The following GMEB2 variants were observed in gnomAD, a reference collection of about 807,000 sequenced individuals.
GMEB2 encodes the protein glucocorticoid modulatory element binding protein 2, also known as glucocorticoid modulatory element-binding protein 2.
GMEB2 carries 7 observed loss-of-function variants against 45.7 expected under a neutral mutation model. The observed-to-expected ratio is 0.15, with a 90% CI of 0.09 to 0.29. The LOEUF (loss-of-function observed/expected upper bound fraction) is 0.29. Ranked by LOEUF, GMEB2 falls within the 10% of genes least tolerant of loss-of-function variation. The probability of loss-of-function intolerance (pLI) is 1.00; values close to 1 mark genes in which losing one functional copy is unlikely to be tolerated. For missense variants in GMEB2, 582 were observed against 739.2 expected, an observed-to-expected ratio of 0.79 and a Z score of 2.47; for synonymous variants, 322 against 323.6, an observed-to-expected ratio of 1.00 and a Z score of 0.05.
intron 2 of GMEB2, among the ~76,000 whole-genome samples, chr20:63,614,519 G>A (rs1017984254): frequency 2.0e-5 from 3 of 152,234 alleles, no homozygotes; most frequent in Non-Finnish European, 4.4e-5. Flanking sequence ...CCAGGAAAGA[G>A]AGTCTCCCTT....
At chr20:63,624,262 C>CA (rs555361048) in intron 1 of GMEB2, among the ~76,000 whole-genome samples, 14,835 of 133,114 alleles carry the variant, frequency 0.11, 798 homozygotes, top group African/African-American at 0.12. Context: ...ACTAAAAATA[C>CA]AAAAAAAAAA....
At position 63,601,006 on chromosome 20, in the gene GMEB2, C is replaced by T. The variant is rs1392842416; in HGVS notation, c.357+1959G>A. On this transcript the variant is annotated intron_variant, in intron 4 of 9. Coordinates refer to ENST00000370077, the MANE Select transcript of GMEB2 (RefSeq NM_012384.5). ...GCCAGCTTTCCCACCACAGCTACGA[C>T]TTACGTCTGCAATGGCTGCATGGTT... Among the ~76,000 whole-genome samples, 6 of 152,196 alleles carry T rather than the reference C, an allele frequency of 3.9e-5. No individual in the cohort carries two copies. The South Asian group carries it at 6.2e-4, about 16-fold the overall frequency.
intron 9 of GMEB2, among the ~76,000 whole-genome samples, chr20:63,591,563 C>G (rs2083147502): frequency 1.3e-5 from 2 of 152,116 alleles, no homozygotes; most frequent in Non-Finnish European, 2.9e-5. Flanking sequence ...ACCTCCTGGG[C>G]TCAAGCAATT....
At chr20:63,606,976 G>A (rs991220216) in intron 2 of GMEB2, among the ~76,000 whole-genome samples, 5 of 152,214 alleles carry the variant, frequency 3.3e-5, no homozygotes, top group Admixed American at 2.6e-4. Context: ...CAATGGAGTC[G>A]TTGGTGAGAG....
At chr20:63,616,566 C>T (rs1429302724) in intron 2 of GMEB2, among the ~76,000 whole-genome samples, 3 of 152,248 alleles carry the variant, frequency 2.0e-5, no homozygotes, top group Admixed American at 2.0e-4. Context: ...TGCGCGCAGA[C>T]GCAGAGAGCA....
At chr20:63,624,444 A>T (rs1439217036) in intron 1 of GMEB2, among the ~76,000 whole-genome samples, 1 of 150,824 alleles carries the variant, frequency 6.6e-6, no homozygotes, top group East Asian at 1.9e-4. Flanking sequence ...AAAAAAAATT[A>T]AAATTAAAAA....
intron 2 of GMEB2, among the ~76,000 whole-genome samples, chr20:63,608,940 C>A (rs36068841): frequency 0.039 from 918 of 23,326 alleles, 336 homozygotes; most frequent in Non-Finnish European, 0.13. Flanking sequence ...GTGACCCCAC[C>A]TCCATTTCTA....
chr20:63,611,886 C>T (rs951408441), intron 2 of GMEB2, among the ~76,000 whole-genome samples: 1 of 152,032 alleles, frequency 6.6e-6, no homozygotes, highest in African/African-American at 2.4e-5. Flanking sequence ...AGTCCCAGCA[C>T]TGTACTAAAA....
Position 63,590,512 on chromosome 20 carries a change from G to T in GMEB2, c.1170C>A (p.Val390=). 2.0e-6 allele frequency: 3 copies of T among 1,509,654 alleles called. No individual in the cohort carries two copies. Among genetic ancestry groups the T allele is most frequent in the Non-Finnish European group, 2.7e-6 (3 of 1,124,552 alleles). The allele number at this position is 1,509,654 out of a possible 1,614,324, so 93.5% of individuals were successfully genotyped here. A position where few individuals can be genotyped will look rare whatever the true frequency, so the allele number is the denominator to read the frequency against. The change falls in exon 10 of 10, where the codon GTC becomes GTA. Residue 390 remains valine (V), a synonymous_variant. Coordinates refer to ENST00000370077, the MANE Select transcript of GMEB2 (RefSeq NM_012384.5). ...AQLALGPGVP[V]PQLTSVPLGK... ...CAAGGGGCACGCTGGTCAGCTGGGG[G>T]ACGGGCACGCCCGGGCCAAGCGCCA...
rs1388683640 is a variant in GMEB2, at chr20:63,590,533, C to A, written c.1149G>T (p.Ala383=). ...GGGGGACGGGCACGCCCGGGCCAAG[C>A]GCCAGCTGGGCAGACTGGGTGAGCA... ...SQVLTQSAQL[A]LGPGVPVPQL... is the part of the protein sequence containing the mutation. Residue 383 remains alanine (A), a synonymous_variant, in exon 10 of 10, where the codon GCG becomes GCT. Transcript: ENST00000370077. The A allele has an allele frequency of 6.6e-7, 1 of 1,525,432 alleles. No homozygotes were observed. Among genetic ancestry groups the A allele is most frequent in the Admixed American group, 2.1e-5 (1 of 46,882 alleles). 94.5% of individuals were successfully genotyped at this position (1,525,432 alleles called of 1,614,324 possible).
intron 4 of GMEB2, among the ~76,000 whole-genome samples, chr20:63,600,048 AT>A (rs869235724): frequency 2.0e-5 from 3 of 149,348 alleles, no homozygotes; most frequent in Admixed American, 1.3e-4. Context: ...CAAAAAAAAA[AT>A]TTTTTTTTTT....
chr20:63,607,260 CCT>C (rs2089527981), intron 2 of GMEB2, among the ~76,000 whole-genome samples: 1 of 138,576 alleles, frequency 7.2e-6, no homozygotes, highest in Non-Finnish European at 1.6e-5. Context: ...GAAACATGCC[CCT>C]CTGACCCCAC....
At chr20:63,625,740 A>G (rs2089666656) in intron 1 of GMEB2, among the ~76,000 whole-genome samples, 1 of 151,758 alleles carries the variant, frequency 6.6e-6, no homozygotes, top group South Asian at 2.1e-4. Context: ...TGGGATTACA[A>G]GTGCACACCA....
chr20:63,589,189 C>T lies in GMEB2; in HGVS notation c.*900G>A, dbSNP rs766901819. 1.8e-5 allele frequency: 7 copies of T among 399,110 alleles called. No individual in the cohort carries two copies. The highest frequency in any genetic ancestry group is 4.4e-5 in the Admixed American group (1 of 22,716). 24.7% of individuals were successfully genotyped at this position (399,110 alleles called of 1,614,324 possible). A position where few individuals can be genotyped will look rare whatever the true frequency, so the allele number is the denominator to read the frequency against. ...CCAGGACTGAAGCCCTAGGGACACACCTCATGGATCTCAGACCCCTGGGAG... is the reference window on the plus strand; with the variant it reads ...CCAGGACTGAAGCCCTAGGGACACATCTCATGGATCTCAGACCCCTGGGAG... On this transcript the variant is annotated 3_prime_UTR_variant, in exon 10 of 10. Transcript: ENST00000370077.
intron 2 of GMEB2, among the ~76,000 whole-genome samples, chr20:63,616,220 G>A (rs2089607724): frequency 6.6e-6 from 1 of 152,140 alleles, no homozygotes; most frequent in Non-Finnish European, 1.5e-5. Flanking sequence ...GAGGCAGGCA[G>A]ATCACCTAAG....
At chr20:63,607,204 ACCT>A (rs1471041118) in intron 2 of GMEB2, among the ~76,000 whole-genome samples, 1 of 83,618 alleles carries the variant, frequency 1.2e-5, no homozygotes, top group Non-Finnish European at 2.5e-5. Flanking sequence ...CCTCTGACCC[ACCT>A]CCATTTCTAG....
At chr20:63,621,706 T>G in intron 1 of GMEB2, among the ~76,000 whole-genome samples, 1 of 132,752 alleles carries the variant, frequency 7.5e-6, no homozygotes. Flanking sequence ...AAGTTTAAAA[T>G]GGTTAAATTT....
chr20:63,626,746 G>C (rs2089677251), intron 1 of GMEB2, among the ~76,000 whole-genome samples: 1 of 147,526 alleles, frequency 6.8e-6, no homozygotes. Context: ...AGGAAGCGCC[G>C]CCGCCCGCGC....
At chr20:63,594,197 C>T (rs1002869930) in intron 6 of GMEB2, among the ~76,000 whole-genome samples, 3 of 152,222 alleles carry the variant, frequency 2.0e-5, no homozygotes, top group African/African-American at 7.2e-5. Context: ...TTACTAACTG[C>T]ACAGTAGCCA....
Sources: allele counts gnomAD v4.1 joint callset (sites outside exome capture counted in the v4.1 genomes callset), GRCh38; gene constraint gnomAD v4.1.1; transcripts MANE v1.5; gene names NCBI Gene and HGNC (gene_info 2026-07-23, HGNC 2026-07-21).